Variants in NPAS3 observed in about 807,000 individuals in gnomAD.
NPAS3 encodes neuronal PAS domain-containing protein 3.
In NPAS3, 14 loss-of-function variants were observed where a neutral mutation model predicts 73.1. The ratio of observed to expected loss-of-function variants is 0.19; its 90% CI spans 0.13 to 0.30. The LOEUF (loss-of-function observed/expected upper bound fraction) is 0.30. NPAS3 is among the 10% of genes least tolerant of loss of function. The pLI is 1.00. For synonymous variants in NPAS3, 620 were observed against 541.5 expected (o/e 1.14, Z -2.01); for missense variants, 1,096 against 1,250.0 (o/e 0.88, Z 1.86).
chr14:33,313,724 C>T (rs923760829), intron 3 of NPAS3, among the ~76,000 whole-genome samples: 3 of 151,966 alleles, frequency 2.0e-5, no homozygotes, highest in East Asian at 3.9e-4. Flanking sequence ...ATCACTCTAC[C>T]GTATCAAACT....
At chr14:33,375,280 G>A (rs2046264956) in intron 4 of NPAS3, among the ~76,000 whole-genome samples, 1 of 152,154 alleles carries the variant, frequency 6.6e-6, no homozygotes, top group African/African-American at 2.4e-5. Flanking sequence ...GAATATATTT[G>A]CATATGCAAA....
chr14:33,046,698 G>A (rs766596558), intron 1 of NPAS3, among the ~76,000 whole-genome samples: 16 of 152,150 alleles, frequency 1.1e-4, no homozygotes, highest in South Asian at 2.1e-4. Flanking sequence ...GTTAAGAGCC[G>A]GGAGCAGTGG....
intron 5 of NPAS3, among the ~76,000 whole-genome samples, chr14:33,618,863 C>T (rs1475624132): frequency 6.6e-6 from 1 of 152,152 alleles, no homozygotes; most frequent in Non-Finnish European, 1.5e-5. Context: ...GCAGACCTTC[C>T]GCAGTTGAAG....
intron 6 of NPAS3, among the ~76,000 whole-genome samples, chr14:33,693,377 T>C (rs1339868123): frequency 6.6e-6 from 1 of 152,216 alleles, no homozygotes; most frequent in Admixed American, 6.5e-5. Context: ...ACTGTTTTCC[T>C]GGACTGAGTT....
At chr14:33,023,166 C>T (rs1384285202) in intron 1 of NPAS3, among the ~76,000 whole-genome samples, 3 of 152,282 alleles carry the variant, frequency 2.0e-5, no homozygotes, top group East Asian at 1.9e-4. Flanking sequence ...TCAAATATGG[C>T]TACCAGTTAT....
chr14:33,190,807 G>A (rs563795009), intron 2 of NPAS3, among the ~76,000 whole-genome samples: 66 of 152,212 alleles, frequency 4.3e-4, no homozygotes, highest in African/African-American at 1.6e-3. Flanking sequence ...GTCCTTTAGC[G>A]CCCATCGGTA....
chr14:33,475,801 G>A (rs979419458), intron 4 of NPAS3, among the ~76,000 whole-genome samples: 2 of 152,166 alleles, frequency 1.3e-5, no homozygotes, highest in Non-Finnish European at 2.9e-5. Context: ...CTCCCACTGA[G>A]AGGGAAGCAA....
intron 1 of NPAS3, among the ~76,000 whole-genome samples, chr14:33,041,008 A>G (rs74041767): frequency 1.4e-3 from 219 of 152,294 alleles, no homozygotes; most frequent in African/African-American, 5.1e-3. Flanking sequence ...GCTGCACTGT[A>G]CTACGTGGCA....
intron 5 of NPAS3, among the ~76,000 whole-genome samples, chr14:33,593,606 C>T (rs2057142233): frequency 6.6e-6 from 1 of 152,206 alleles, no homozygotes; most frequent in Admixed American, 6.5e-5. Context: ...CACAAGTCCT[C>T]ACCTTTTCTC....
At chr14:33,128,213 C>T (rs776858692) in intron 2 of NPAS3, among the ~76,000 whole-genome samples, 84 of 151,996 alleles carry the variant, frequency 5.5e-4, no homozygotes, top group African/African-American at 1.8e-3. Flanking sequence ...AATGGAAGAA[C>T]GAATAAAAGC....
intron 1 of NPAS3, among the ~76,000 whole-genome samples, chr14:33,008,676 T>A (rs1260852403): frequency 2.0e-5 from 3 of 152,196 alleles, no homozygotes; most frequent in Non-Finnish European, 4.4e-5. Context: ...GAGGGTTTTA[T>A]AGGAAATATA....
intron 3 of NPAS3, among the ~76,000 whole-genome samples, chr14:33,257,059 T>C (rs2048803753): frequency 6.6e-6 from 1 of 152,192 alleles, no homozygotes; most frequent in African/African-American, 2.4e-5. Context: ...CATATACTCC[T>C]GGTTAGCTGA....
chr14:33,024,290 G>A (rs1477704054), intron 1 of NPAS3, among the ~76,000 whole-genome samples: 1 of 151,852 alleles, frequency 6.6e-6, no homozygotes, highest in East Asian at 1.9e-4. Flanking sequence ...TCCTGCCTCA[G>A]CCTGCAGAGT....
chr14:33,605,246 A>G (rs1206728579), intron 5 of NPAS3, among the ~76,000 whole-genome samples: 1 of 151,994 alleles, frequency 6.6e-6, no homozygotes, highest in East Asian at 1.9e-4. Flanking sequence ...CTGACATCAT[A>G]CTCAGTGGTG....
intron 2 of NPAS3, among the ~76,000 whole-genome samples, chr14:33,180,802 G>GAA (rs869085160): frequency 2.7e-5 from 2 of 74,702 alleles, no homozygotes; most frequent in African/African-American, 1.2e-4. Flanking sequence ...CTGTCTCCAA[G>GAA]AAAAAAAAAA....
At chr14:33,207,251 ACACACACACACACACG>A (rs372688054) in intron 2 of NPAS3, among the ~76,000 whole-genome samples, 10,470 of 39,602 alleles carry the variant, frequency 0.26, 478 homozygotes, top group South Asian at 0.46. Flanking sequence ...ACACACACAC[ACACACACACACACACG>A]CACACACACA....
At chr14:33,516,757 G>GT (rs2053318023) in intron 4 of NPAS3, among the ~76,000 whole-genome samples, 1 of 152,098 alleles carries the variant, frequency 6.6e-6, no homozygotes, top group Non-Finnish European at 1.5e-5. Flanking sequence ...TGCGATGGTG[G>GT]TCGTGATAAT....
chr14:33,674,111 A>T (rs2059686907), intron 5 of NPAS3, among the ~76,000 whole-genome samples: 1 of 152,192 alleles, frequency 6.6e-6, no homozygotes, highest in South Asian at 2.1e-4. Flanking sequence ...TACTCCGGAC[A>T]TTATTGTATA....
At chr14:33,203,576 G>T (rs977632591) in intron 2 of NPAS3, among the ~76,000 whole-genome samples, 6 of 152,060 alleles carry the variant, frequency 3.9e-5, no homozygotes, top group Admixed American at 1.3e-4. Flanking sequence ...GCGGTGTTTG[G>T]TTTTTTGTCC....
Sources: allele counts gnomAD v4.1 joint callset (sites outside exome capture counted in the v4.1 genomes callset), GRCh38; gene constraint gnomAD v4.1.1; transcripts MANE v1.5; gene names NCBI Gene and HGNC (gene_info 2026-07-23, HGNC 2026-07-21).